INTS9: variants seen among roughly 807,000 people sequenced by gnomAD.
INTS9 encodes protein related to CPSF subunits of 74 kDa.
INTS9 carries 55 observed loss-of-function variants against 79.7 expected under a neutral mutation model. That is an observed-to-expected ratio of 0.69 (90% CI 0.56 to 0.86). INTS9 has a LOEUF of 0.86. Ranked by LOEUF, INTS9 falls within the 40% of genes least tolerant of loss-of-function variation. INTS9 has a pLI of 0.00. For synonymous variants in INTS9, 319 were observed against 325.2 expected (o/e 0.98, Z 0.20); for missense variants, 721 against 831.5 (o/e 0.87, Z 1.64).
At chr8:28,849,917 T>G (rs1807734221) in intron 3 of INTS9, 1 of 271,976 alleles carries the variant, frequency 3.7e-6, no homozygotes, top group Non-Finnish European at 6.8e-6. Context: ...AAACACTCAT[T>G]GCAATTCTAG....
At chr8:28,792,580 T>C (rs1803977221) in intron 10 of INTS9, among the ~76,000 whole-genome samples, 1 of 151,034 alleles carries the variant, frequency 6.6e-6, no homozygotes, top group Admixed American at 6.6e-5. Flanking sequence ...GAAAAACTGG[T>C]GCAATCAGAA....
chr8:28,812,457 A>T lies in INTS9; in HGVS notation c.614T>A (p.Leu205His), dbSNP rs757960212. Reference protein sequence around the residue: ...QLVGYSQKIELFGAVQVTPLS... With the variant: ...QLVGYSQKIEHFGAVQVTPLS... ...AGGAGTCACCTGGACCGCACCAAAA[A>T]GCTCCTAAAAGAGAACCACAGTAAG... Residue 205 changes from leucine (L) to histidine (H), a missense_variant, in exon 8 of 17, where the codon CTT becomes CAT. Leu to His is a moderately conservative substitution (Grantham distance 99). Transcript: ENST00000521022. 7.4e-6 allele frequency: 12 copies of T among 1,613,130 alleles called. No individual in the cohort carries two copies. Among genetic ancestry groups the T allele is most frequent in the Non-Finnish European group, 1.0e-5 (12 of 1,179,724 alleles).
intron 1 of INTS9, among the ~76,000 whole-genome samples, chr8:28,865,479 A>C (rs897406058): frequency 1.3e-5 from 2 of 152,032 alleles, no homozygotes; most frequent in African/African-American, 4.8e-5. Context: ...CTCTAAAAAA[A>C]AAAAAAAAAG....
intron 3 of INTS9, among the ~76,000 whole-genome samples, chr8:28,848,745 G>A (rs958520699): frequency 6.6e-6 from 1 of 152,162 alleles, no homozygotes; most frequent in East Asian, 1.9e-4. Flanking sequence ...TCTCCTCACA[G>A]GCTCTCATCC....
chr8:28,838,959 C>T (rs1002050032), intron 4 of INTS9, among the ~76,000 whole-genome samples: 1 of 152,174 alleles, frequency 6.6e-6, no homozygotes, highest in Non-Finnish European at 1.5e-5. Flanking sequence ...TGAAGGAATG[C>T]AGCTTTATTA....
intron 4 of INTS9, among the ~76,000 whole-genome samples, chr8:28,843,629 TA>T (rs1286523626): frequency 6.6e-6 from 1 of 152,216 alleles, no homozygotes; most frequent in East Asian, 1.9e-4. Context: ...TAATACAAGG[TA>T]AAAATGTATT....
intron 8 of INTS9, among the ~76,000 whole-genome samples, chr8:28,797,909 G>A (rs1477682079): frequency 3.3e-5 from 5 of 152,210 alleles, no homozygotes; most frequent in South Asian, 2.1e-4. Flanking sequence ...TGTGGTCTCC[G>A]AGTAGCTGTG....
chr8:28,889,364 C>T (rs1348340106), intron 1 of INTS9, among the ~76,000 whole-genome samples: 2 of 152,224 alleles, frequency 1.3e-5, no homozygotes, highest in African/African-American at 2.4e-5. Flanking sequence ...AACTTCTCCA[C>T]ACTCTGACCT....
intron 13 of INTS9, among the ~76,000 whole-genome samples, chr8:28,777,607 T>C (rs1233887199): frequency 1.3e-5 from 2 of 152,102 alleles, no homozygotes; most frequent in African/African-American, 4.8e-5. Flanking sequence ...TTCTTTCCCT[T>C]CCACATCTGA....
intron 1 of INTS9, among the ~76,000 whole-genome samples, chr8:28,885,080 G>T (rs1041506761): frequency 2.6e-5 from 4 of 152,194 alleles, no homozygotes; most frequent in Admixed American, 2.6e-4. Context: ...GTCTTCCACT[G>T]GGAGCAGTCC....
At position 28,773,763 on chromosome 8, in the gene INTS9, T is replaced by A. The variant is rs565560334; in HGVS notation, c.1563+1996A>T. Reference sequence around the variant, plus strand: ...TCTTGAACTCGTGACCTTAAGTGATTCACCCCCGCCTCAGCCTCCTGAAGT... The same window carrying A: ...TCTTGAACTCGTGACCTTAAGTGATACACCCCCGCCTCAGCCTCCTGAAGT... On this transcript the variant is annotated intron_variant, in intron 14 of 16. Coordinates refer to ENST00000521022, the MANE Select transcript of INTS9 (RefSeq NM_018250.4). Among the ~76,000 whole-genome samples the A allele has an allele frequency of 3.9e-5, 6 of 151,964 alleles. No individual in the cohort carries two copies. In the South Asian group the frequency reaches 6.2e-4, roughly 16 times the overall value.
intron 1 of INTS9, chr8:28,861,969 G>T: frequency 4.2e-6 from 2 of 481,736 alleles, no homozygotes; most frequent in Non-Finnish European, 5.4e-6. Flanking sequence ...TCTGGGAAGA[G>T]CTGAAGACAC....
chr8:28,846,836 A>G (rs376349562), intron 3 of INTS9, 27 bp from the exon 4 acceptor site: 65 of 1,561,090 alleles, frequency 4.2e-5, no homozygotes, highest in Non-Finnish European at 5.7e-5. Context: ...GGAAAAATAC[A>G]AGGAAGAGAT....
chr8:28,884,503 G>A (rs1261490835), intron 1 of INTS9, among the ~76,000 whole-genome samples: 1 of 151,894 alleles, frequency 6.6e-6, no homozygotes, highest in Non-Finnish European at 1.5e-5. Flanking sequence ...TTTTTGCCTT[G>A]TTAAGTATAA....
In INTS9 at chr8:28,787,896, A is replaced by G. The variant is rs376857624; in HGVS notation, c.1038-7T>C. 1.0e-5 allele frequency: 16 copies of G among 1,590,908 alleles called. No homozygotes were observed. Among genetic ancestry groups the G allele is most frequent in the Non-Finnish European group, 9.5e-6 (11 of 1,162,134 alleles). Reference sequence around the variant, plus strand: ...CTGTTTGTTGTGACAAAGCCTATTAAAGAGGAAAAACACATCAGCATGTGA... The same window carrying G: ...CTGTTTGTTGTGACAAAGCCTATTAGAGAGGAAAAACACATCAGCATGTGA... On this transcript the variant is annotated splice_polypyrimidine_tract_variant and splice_region_variant and intron_variant, in intron 10 of 16. Transcript: ENST00000521022.
intron 11 of INTS9, among the ~76,000 whole-genome samples, chr8:28,781,406 T>C (rs1014818369): frequency 1.3e-5 from 2 of 152,150 alleles, no homozygotes; most frequent in Non-Finnish European, 2.9e-5. Flanking sequence ...GACAAGGATA[T>C]GGAAGAACAA....
intron 1 of INTS9, among the ~76,000 whole-genome samples, chr8:28,887,374 G>C (rs774006110): frequency 2.0e-5 from 3 of 152,194 alleles, no homozygotes; most frequent in Non-Finnish European, 2.9e-5. Context: ...AAGGGGTCTT[G>C]TTGAATTCCG....
intron 8 of INTS9, among the ~76,000 whole-genome samples, chr8:28,806,264 A>C (rs1419719005): frequency 6.6e-6 from 1 of 152,186 alleles, no homozygotes; most frequent in Non-Finnish European, 1.5e-5. Context: ...AACCAGGCAC[A>C]TATGAAATGG....
intron 7 of INTS9, among the ~76,000 whole-genome samples, chr8:28,813,093 C>T (rs1276520314): frequency 2.6e-5 from 4 of 152,134 alleles, no homozygotes; most frequent in African/African-American, 9.7e-5. Context: ...AGGTGTTAGG[C>T]CCTTGTTGTT....
Sources: gnomAD v4.1 joint callset for allele counts (sites outside exome capture counted in the v4.1 genomes callset) on GRCh38, gnomAD v4.1.1 for gene constraint, MANE v1.5 for transcripts, NCBI Gene and HGNC (gene_info 2026-07-23, HGNC 2026-07-21) for gene names.